The following DSCAM variants were observed in gnomAD, a reference collection of about 807,000 sequenced individuals.
DSCAM encodes the protein cell adhesion molecule DSCAM.
A neutral mutation model predicts 217.7 loss-of-function variants in DSCAM; 47 were observed. The ratio of observed to expected loss-of-function variants is 0.22; its 90% CI spans 0.17 to 0.28. The LOEUF (loss-of-function observed/expected upper bound fraction) is 0.28. Among genes scored for constraint, DSCAM ranks in the 10% least tolerant of loss-of-function variants. DSCAM has a pLI of 1.00. For synonymous variants in DSCAM, 1,056 were observed against 1,015.3 expected, an observed-to-expected ratio of 1.04 and a Z score of -0.76; for missense variants, 2,080 against 2,618.3, an observed-to-expected ratio of 0.79 and a Z score of 4.49.
intron 1 of DSCAM, among the ~76,000 whole-genome samples, chr21:40,762,181 T>C (rs574447297): frequency 3.3e-5 from 5 of 152,072 alleles, no homozygotes; most frequent in East Asian, 1.9e-4. Context: ...AGCTGGTTTT[T>C]TGAAAAGATT....
intron 15 of DSCAM, among the ~76,000 whole-genome samples, chr21:40,175,811 A>ACACACACACACG (rs1555886114): frequency 1.1e-4 from 14 of 127,456 alleles, no homozygotes; most frequent in South Asian, 5.2e-4. Context: ...ACACACACGC[A>ACACACACACACG]CACACACACA....
At chr21:40,580,325 G>A (rs538728007) in intron 3 of DSCAM, among the ~76,000 whole-genome samples, 1 of 152,082 alleles carries the variant, frequency 6.6e-6, no homozygotes, top group Non-Finnish European at 1.5e-5. Flanking sequence ...CTGAGGTCAT[G>A]AGTTGAAGAC....
chr21:40,168,540 T>C lies in DSCAM; in HGVS notation c.2948-1252A>G, dbSNP rs148103730. Among the ~76,000 whole-genome samples, 197 of 152,222 alleles carry C rather than the reference T, an allele frequency of 1.3e-3. 2 individuals are homozygous for C. Among genetic ancestry groups the C allele is most frequent in the African/African-American group, 4.4e-3 (183 of 41,536 alleles). The stretch of plus-strand genomic sequence containing the variant: ...TTTAGATTAAAAAATGTTTTTGGAT[T>C]GACAATTTTTAGATCACTGCAGAAC... On this transcript the variant is annotated intron_variant, in intron 15 of 32. Transcript: ENST00000400454.
At chr21:40,723,503 C>T (rs1405991359) in intron 1 of DSCAM, among the ~76,000 whole-genome samples, 2 of 152,196 alleles carry the variant, frequency 1.3e-5, no homozygotes, top group African/African-American at 4.8e-5. Context: ...ATGTGCACCC[C>T]ACTCCATTGC....
At chr21:40,488,775 TTA>T (rs1477641294) in intron 3 of DSCAM, among the ~76,000 whole-genome samples, 1 of 152,226 alleles carries the variant, frequency 6.6e-6, no homozygotes, top group African/African-American at 2.4e-5. Context: ...AGCAAATGGT[TTA>T]TTTTTCCTTG....
intron 11 of DSCAM, among the ~76,000 whole-genome samples, chr21:40,203,044 T>C (rs977938695): frequency 1.3e-5 from 2 of 151,962 alleles, no homozygotes; most frequent in African/African-American, 2.4e-5. Context: ...AGGAAGGAGG[T>C]TTTGTAAATA....
chr21:40,067,727 CCCTCCCTCCCCTCAT>C (rs2089229991), intron 27 of DSCAM, among the ~76,000 whole-genome samples: 2 of 53,442 alleles, frequency 3.7e-5, no homozygotes, highest in South Asian at 1.0e-3. Flanking sequence ...TCCCCTCATT[CCCTCCCTCCCCTCAT>C]TCCCTCCCTC....
chr21:40,674,963 G>A (rs2090321033), intron 3 of DSCAM, among the ~76,000 whole-genome samples: 1 of 151,988 alleles, frequency 6.6e-6, no homozygotes, highest in African/African-American at 2.4e-5. Flanking sequence ...GTTAATATTT[G>A]TTACTAAGAG....
chr21:40,660,409 T>C (rs2090126387), intron 3 of DSCAM, among the ~76,000 whole-genome samples: 1 of 152,198 alleles, frequency 6.6e-6, no homozygotes, highest in African/African-American at 2.4e-5. Flanking sequence ...GAAATTTATA[T>C]TGTAACAACA....
intron 11 of DSCAM, among the ~76,000 whole-genome samples, chr21:40,244,173 G>T (rs561630633): frequency 6.6e-6 from 1 of 152,106 alleles, no homozygotes; most frequent in African/African-American, 2.4e-5. Flanking sequence ...AATTGTGACC[G>T]GGAAGAGTGG....
At chr21:40,470,379 G>T (rs777977291) in intron 3 of DSCAM, among the ~76,000 whole-genome samples, 3 of 152,184 alleles carry the variant, frequency 2.0e-5, no homozygotes, top group Non-Finnish European at 2.9e-5. Context: ...TTACAATAAC[G>T]TCCTGCCAAA....
intron 21 of DSCAM, among the ~76,000 whole-genome samples, chr21:40,092,734 C>A (rs1313680482): frequency 6.6e-6 from 1 of 152,108 alleles, no homozygotes; most frequent in Non-Finnish European, 1.5e-5. Flanking sequence ...CCTTGGTAAT[C>A]ATCATTTTCT....
intron 3 of DSCAM, among the ~76,000 whole-genome samples, chr21:40,496,866 A>G (rs140036292): frequency 6.6e-5 from 10 of 152,304 alleles, no homozygotes; most frequent in Middle Eastern, 6.8e-3. Flanking sequence ...AGGACATTCA[A>G]AAGGCCAATC....
At chr21:40,394,762 G>A (rs1164750960) in intron 3 of DSCAM, among the ~76,000 whole-genome samples, 4 of 152,228 alleles carry the variant, frequency 2.6e-5, no homozygotes, top group African/African-American at 9.6e-5. Flanking sequence ...CTGGAAGACA[G>A]GGGAGAGGGA....
intron 1 of DSCAM, among the ~76,000 whole-genome samples, chr21:40,838,720 A>G (rs1397416444): frequency 3.3e-5 from 5 of 152,212 alleles, no homozygotes; most frequent in African/African-American, 1.2e-4. Context: ...ATTTCTTTCC[A>G]TCACCTTATC....
intron 9 of DSCAM, among the ~76,000 whole-genome samples, chr21:40,301,135 T>G (rs1045180048): frequency 6.6e-6 from 1 of 152,214 alleles, no homozygotes; most frequent in African/African-American, 2.4e-5. Context: ...AGGCCCATAT[T>G]GCCTCTTATT....
At chr21:40,488,691 T>C (rs1457236905) in intron 3 of DSCAM, among the ~76,000 whole-genome samples, 3 of 152,188 alleles carry the variant, frequency 2.0e-5, no homozygotes, top group African/African-American at 4.8e-5. Flanking sequence ...AGGGATATTA[T>C]AGCTCGAACA....
chr21:40,098,385 G>A (rs2089709279), intron 20 of DSCAM, among the ~76,000 whole-genome samples: 1 of 151,986 alleles, frequency 6.6e-6, no homozygotes, highest in Admixed American at 6.5e-5. Flanking sequence ...GCCATGTGAA[G>A]TAGGTGGAGC....
chr21:40,502,509 C>G (rs73362945), intron 3 of DSCAM, among the ~76,000 whole-genome samples: 2,728 of 152,266 alleles, frequency 0.018, 74 homozygotes, highest in African/African-American at 0.057. Context: ...CTTCTTTCTA[C>G]AGGCTCAAGG....
Sources: gnomAD v4.1 joint callset for allele counts (sites outside exome capture counted in the v4.1 genomes callset) on GRCh38, gnomAD v4.1.1 for gene constraint, MANE v1.5 for transcripts, NCBI Gene and HGNC (gene_info 2026-07-23, HGNC 2026-07-21) for gene names.